CREB5: variants seen among roughly 807,000 people sequenced by gnomAD.
CREB5 encodes the protein cAMP responsive element binding protein 5.
In CREB5, 19 loss-of-function variants were observed where a neutral mutation model predicts 57.1. The observed-to-expected ratio is 0.33, with a 90% confidence interval of 0.23 to 0.49. The LOEUF is 0.49. CREB5 is among the 20% of genes least tolerant of loss of function. The pLI, the probability that CREB5 is intolerant of heterozygous loss-of-function variation, is 0.99. For synonymous variants in CREB5, 238 were observed against 238.3 expected (o/e 1.00, Z 0.01); for missense variants, 579 against 671.6 (o/e 0.86, Z 1.52).
In CREB5 at chr7:28,557,036, GCTCCC is replaced by G. The variant is rs1455940501; in HGVS notation, c.292-13328_292-13324del. 8.4e-5 allele frequency among the ~76,000 whole-genome samples: 12 copies of G among 142,362 alleles called. 2 individuals carry two copies. The highest frequency in any genetic ancestry group is 2.2e-4 in the South Asian group (1 of 4,610). The allele number at this position is 142,362 out of a possible 152,430, so 93.4% of individuals were successfully genotyped here. A position where few individuals can be genotyped will look rare whatever the true frequency, so the allele number is the denominator to read the frequency against. On this transcript the variant is annotated intron_variant, in intron 4 of 10. Coordinates refer to ENST00000357727, the MANE Select transcript of CREB5 (RefSeq NM_182898.4). ...TCTTGTAGGCCTAGGGATACTAACA[GCTCCC>G]TGCTGAAACTGGCCCCAGGGCTTTC...
At chr7:28,709,444 C>T (rs532978522) in intron 5 of CREB5, among the ~76,000 whole-genome samples, 12 of 152,194 alleles carry the variant, frequency 7.9e-5, no homozygotes, top group African/African-American at 2.9e-4. Context: ...AAATCAGTCA[C>T]TAAAGAAGCC....
chr7:28,300,086 ATTTATTTATTT>A (rs1785074765), intron 1 of CREB5, among the ~76,000 whole-genome samples: 1 of 137,920 alleles, frequency 7.3e-6, no homozygotes, highest in Non-Finnish European at 1.6e-5. Context: ...TTATTTATTT[ATTTATTTATTT>A]ATTACTACCT....
chr7:28,492,710 A>G (rs1375247810), intron 2 of CREB5, among the ~76,000 whole-genome samples: 1 of 149,022 alleles, frequency 6.7e-6, no homozygotes, highest in Non-Finnish European at 1.5e-5. Flanking sequence ...GTATTTTTGT[A>G]TATACAAATA....
chr7:28,477,761 AGTTG>A (rs1340289829), intron 1 of CREB5, among the ~76,000 whole-genome samples: 2 of 152,150 alleles, frequency 1.3e-5, no homozygotes, highest in Non-Finnish European at 2.9e-5. Flanking sequence ...TTTAGTAGGA[AGTTG>A]AGAAAGATAT....
chr7:28,382,403 C>T (rs760960941), intron 1 of CREB5, among the ~76,000 whole-genome samples: 34 of 151,938 alleles, frequency 2.2e-4, no homozygotes, highest in Non-Finnish European at 4.3e-4. Flanking sequence ...CTCAGGGCCT[C>T]CTGAAGCATT....
chr7:28,476,981 T>C (rs997069455), intron 1 of CREB5, among the ~76,000 whole-genome samples: 1 of 152,236 alleles, frequency 6.6e-6, no homozygotes, highest in Non-Finnish European at 1.5e-5. Context: ...GGAGAATCAT[T>C]GCCCAGAGGG....
chr7:28,542,066 G>A (rs901206247), intron 4 of CREB5, among the ~76,000 whole-genome samples: 1 of 152,204 alleles, frequency 6.6e-6, no homozygotes, highest in South Asian at 2.1e-4. Context: ...TGCAGCTGAT[G>A]TCATCACAGT....
chr7:28,688,916 T>C (rs1300196534), intron 5 of CREB5, among the ~76,000 whole-genome samples: 1 of 152,150 alleles, frequency 6.6e-6, no homozygotes, highest in Non-Finnish European at 1.5e-5. Context: ...TTCACTCATA[T>C]TCAGTAATGC....
At chr7:28,450,158 G>A (rs1789723133) in intron 1 of CREB5, among the ~76,000 whole-genome samples, 1 of 152,168 alleles carries the variant, frequency 6.6e-6, no homozygotes, top group African/African-American at 2.4e-5. Context: ...TCTTCACAAA[G>A]GAGAATGTCA....
chr7:28,410,250 G>A (rs1203063759), upstream of CREB5: 4 of 455,148 alleles, frequency 8.8e-6, no homozygotes, highest in African/African-American at 8.0e-5. Flanking sequence ...GTCCGCTCCA[G>A]TCCACTCCTC....
At chr7:28,676,661 A>G (rs894512313) in intron 5 of CREB5, among the ~76,000 whole-genome samples, 8 of 152,166 alleles carry the variant, frequency 5.3e-5, no homozygotes, top group Non-Finnish European at 7.3e-5. Flanking sequence ...ACTCTGTGCA[A>G]TCATTAGTAT....
intron 5 of CREB5, among the ~76,000 whole-genome samples, chr7:28,602,666 A>C (rs1190531778): frequency 6.6e-6 from 1 of 152,222 alleles, no homozygotes; most frequent in Non-Finnish European, 1.5e-5. Flanking sequence ...TGACAAGATT[A>C]TAGAGATGGA....
chr7:28,758,142 G>A (rs1805446902), intron 7 of CREB5, among the ~76,000 whole-genome samples: 1 of 152,150 alleles, frequency 6.6e-6, no homozygotes, highest in African/African-American at 2.4e-5. Context: ...CTGTTGGCCT[G>A]GTTGTTGTAC....
chr7:28,721,944 T>C (rs1803053030), intron 6 of CREB5, among the ~76,000 whole-genome samples: 1 of 152,248 alleles, frequency 6.6e-6, no homozygotes, highest in African/African-American at 2.4e-5. Context: ...CAGTGCTAAA[T>C]GTTGCCCAGT....
intron 7 of CREB5, among the ~76,000 whole-genome samples, chr7:28,764,657 A>G (rs1805856996): frequency 6.6e-6 from 1 of 152,204 alleles, no homozygotes; most frequent in African/African-American, 2.4e-5. Context: ...TTGATTTGTA[A>G]AGCTACTATC....
chr7:28,674,114 T>TG (rs1800204232), intron 5 of CREB5, among the ~76,000 whole-genome samples: 1 of 152,168 alleles, frequency 6.6e-6, no homozygotes, highest in Non-Finnish European at 1.5e-5. Context: ...CACGCAGATT[T>TG]TTTTTTTAAG....
intron 1 of CREB5, among the ~76,000 whole-genome samples, chr7:28,448,339 T>C: frequency 6.6e-6 from 1 of 152,242 alleles, no homozygotes; most frequent in Non-Finnish European, 1.5e-5. Flanking sequence ...ATTAGTTCTG[T>C]CCCTCTAGAG....
intron 5 of CREB5, among the ~76,000 whole-genome samples, chr7:28,718,043 C>G (rs774909182): frequency 6.6e-6 from 1 of 152,156 alleles, no homozygotes; most frequent in African/African-American, 2.4e-5. Context: ...AATACTCCCC[C>G]GAGGAGTGCT....
chr7:28,429,251 C>T (rs967466864), intron 1 of CREB5, among the ~76,000 whole-genome samples: 2 of 152,118 alleles, frequency 1.3e-5, no homozygotes, highest in African/African-American at 4.8e-5. Flanking sequence ...GTCTCGAACT[C>T]CTGACCTCTG....
Sources: gnomAD v4.1 joint callset for allele counts (sites outside exome capture counted in the v4.1 genomes callset) on GRCh38, gnomAD v4.1.1 for gene constraint, MANE v1.5 for transcripts, NCBI Gene and HGNC (gene_info 2026-07-23, HGNC 2026-07-21) for gene names.